The following TMTC2 variants were observed in gnomAD, a reference collection of about 807,000 sequenced individuals.
The protein encoded by TMTC2 is protein O-mannosyl-transferase TMTC2.
In TMTC2, 43 loss-of-function variants were observed where a neutral mutation model predicts 82.4. The ratio of observed to expected loss-of-function variants is 0.52; its 90% CI spans 0.41 to 0.67. The LOEUF (loss-of-function observed/expected upper bound fraction) is 0.67. Among genes scored for constraint, TMTC2 ranks in the 30% least tolerant of loss-of-function variants. The pLI is 0.00. For synonymous variants in TMTC2, 408 were observed against 381.9 expected (o/e 1.07, Z -0.80); for missense variants, 919 against 1,012.4 (o/e 0.91, Z 1.25).
intron 9 of TMTC2, among the ~76,000 whole-genome samples, chr12:83,039,241 G>A (rs1019201765): frequency 5.3e-5 from 8 of 152,088 alleles, no homozygotes; most frequent in African/African-American, 1.9e-4. Context: ...CCAAGAACAA[G>A]CATCTTAATC....
chr12:82,764,615 A>G (rs757019679), intron 1 of TMTC2, among the ~76,000 whole-genome samples: 2 of 152,172 alleles, frequency 1.3e-5, no homozygotes, highest in African/African-American at 4.8e-5. Flanking sequence ...AGCTCTGTCA[A>G]TCGAGAAAAA....
At chr12:83,035,781 G>A (rs946642435) in intron 9 of TMTC2, among the ~76,000 whole-genome samples, 8 of 152,140 alleles carry the variant, frequency 5.3e-5, no homozygotes, top group Admixed American at 1.3e-4. Context: ...AGGTCAAGAC[G>A]AGAAGTCTCT....
chr12:83,125,317 G>A (rs900015859), intron 11 of TMTC2, among the ~76,000 whole-genome samples: 1 of 152,158 alleles, frequency 6.6e-6, no homozygotes, highest in Non-Finnish European at 1.5e-5. Context: ...AACAAGGTAG[G>A]CAGTCGTATT....
chr12:82,745,870 C>T (rs537170413), intron 1 of TMTC2, among the ~76,000 whole-genome samples: 6 of 152,128 alleles, frequency 3.9e-5, no homozygotes, highest in Non-Finnish European at 8.8e-5. Context: ...TCCCCTTTTT[C>T]TTAAATTCAA....
At position 82,965,098 on chromosome 12, in the gene TMTC2, C is replaced by T. The variant is rs1450322654; in HGVS notation, c.1673C>T (p.Pro558Leu). Residue 558 changes from proline to leucine, a missense_variant, in exon 5 of 12, where the codon CCT becomes CTT. Physicochemically the swap from Pro to Leu is moderately conservative, Grantham distance 98. Coordinates refer to ENST00000321196, the MANE Select transcript of TMTC2 (RefSeq NM_152588.3). ...TATAAATTGGCCATTGGGAGCAGGC[C>T]TACCCTGGCTTGTAAGTAATACTCA... ...HYYKLAIGSR[P>L]TLASAYLNTG... is the part of the protein sequence containing the mutation. 5.6e-6 allele frequency: 9 copies of T among 1,609,944 alleles called. No individual in the cohort carries two copies. In the Admixed American group the frequency reaches 1.5e-4, roughly 27 times the overall value.
intron 1 of TMTC2, among the ~76,000 whole-genome samples, chr12:82,781,074 T>G (rs542277638): frequency 6.6e-6 from 1 of 152,200 alleles, no homozygotes. Flanking sequence ...AATGCATTGC[T>G]GGTATAATAA....
At chr12:83,115,817 TCTCAG>T (rs1179070728) in intron 11 of TMTC2, among the ~76,000 whole-genome samples, 1 of 152,040 alleles carries the variant, frequency 6.6e-6, no homozygotes, top group African/African-American at 2.4e-5. Flanking sequence ...TTGAGACAAG[TCTCAG>T]TGTTGCCCAA....
chr12:82,966,019 C>A (rs1011307297), intron 6 of TMTC2: 1 of 448,852 alleles, frequency 2.2e-6, no homozygotes, highest in Middle Eastern at 6.0e-4. Flanking sequence ...TGTATTGTGA[C>A]TATTCAAGAA....
At chr12:83,115,756 G>A (rs1047475614) in intron 11 of TMTC2, among the ~76,000 whole-genome samples, 4 of 152,064 alleles carry the variant, frequency 2.6e-5, no homozygotes, top group African/African-American at 9.7e-5. Context: ...CACCCGGGCA[G>A]TATACACTGT....
intron 2 of TMTC2, among the ~76,000 whole-genome samples, chr12:82,895,443 A>C (rs532237853): frequency 6.6e-6 from 1 of 152,328 alleles, no homozygotes; most frequent in African/African-American, 2.4e-5. Flanking sequence ...CCTTTATCTT[A>C]TGCAGAGTGC....
In TMTC2 at chr12:83,045,727, G is replaced by GCACACA. The variant is rs71068972; in HGVS notation, c.2153-5157_2153-5152dup. On this transcript the variant is annotated intron_variant, in intron 9 of 11. Coordinates refer to ENST00000321196, the MANE Select transcript of TMTC2 (RefSeq NM_152588.3). ...CTCCTTCACACACACACACACACAC[G>GCACACA]CACACACACACACACACACACACAC... 2.2e-3 allele frequency among the ~76,000 whole-genome samples: 318 copies of GCACACA among 142,538 alleles called. 8 individuals are homozygous for GCACACA. The highest frequency in any genetic ancestry group is 7.5e-3 in the African/African-American group (282 of 37,670). The allele number at this position is 142,538 out of a possible 152,430, so 93.5% of individuals were successfully genotyped here.
At chr12:82,828,792 A>G (rs1869587272) in intron 1 of TMTC2, among the ~76,000 whole-genome samples, 2 of 152,164 alleles carry the variant, frequency 1.3e-5, no homozygotes, top group Non-Finnish European at 2.9e-5. Context: ...ACTTAAAGGA[A>G]AAACCTATTT....
chr12:82,802,742 A>G (rs762077619), intron 1 of TMTC2, among the ~76,000 whole-genome samples: 17 of 152,160 alleles, frequency 1.1e-4, no homozygotes, highest in Admixed American at 8.5e-4. Context: ...TTGGAAAGAC[A>G]GGAAAAGAAC....
intron 4 of TMTC2, among the ~76,000 whole-genome samples, chr12:82,962,934 G>A (rs1175225825): frequency 6.6e-6 from 1 of 151,942 alleles, no homozygotes; most frequent in African/African-American, 2.4e-5. Flanking sequence ...GAAGAGACTG[G>A]TCTCCCAGGA....
chr12:83,111,471 T>A (rs1367240368), intron 11 of TMTC2, among the ~76,000 whole-genome samples: 1 of 152,182 alleles, frequency 6.6e-6, no homozygotes, highest in Non-Finnish European at 1.5e-5. Context: ...AATTTTCATG[T>A]GTTATGATGT....
At chr12:83,042,123 A>G (rs1291521626) in intron 9 of TMTC2, among the ~76,000 whole-genome samples, 1 of 152,220 alleles carries the variant, frequency 6.6e-6, no homozygotes, top group Non-Finnish European at 1.5e-5. Context: ...CTTGAAATGA[A>G]TATCTCAGAA....
intron 4 of TMTC2, among the ~76,000 whole-genome samples, chr12:82,940,712 A>G (rs1053508410): frequency 2.0e-5 from 3 of 149,930 alleles, no homozygotes; most frequent in Non-Finnish European, 4.4e-5. Context: ...CCCTTATGAC[A>G]TCTTTCTATC....
At chr12:82,971,315 T>G (rs971193902) in intron 7 of TMTC2, among the ~76,000 whole-genome samples, 1 of 152,190 alleles carries the variant, frequency 6.6e-6, no homozygotes, top group African/African-American at 2.4e-5. Flanking sequence ...CACTTAAAAA[T>G]TAGCAAAAAT....
intron 1 of TMTC2, among the ~76,000 whole-genome samples, chr12:82,782,364 G>A (rs973145071): frequency 5.9e-5 from 9 of 152,266 alleles, no homozygotes; most frequent in African/African-American, 2.2e-4. Flanking sequence ...TGTATGATAT[G>A]TATCGGATGG....
Sources: gnomAD v4.1 joint callset for allele counts (sites outside exome capture counted in the v4.1 genomes callset) on GRCh38, gnomAD v4.1.1 for gene constraint, MANE v1.5 for transcripts, NCBI Gene and HGNC (gene_info 2026-07-23, HGNC 2026-07-21) for gene names.